The following SUPT5H variants were observed in gnomAD, a reference collection of about 807,000 sequenced individuals.
The protein encoded by SUPT5H is SPT5 homolog, DSIF elongation factor subunit, also known as transcription elongation factor SPT5.
Under a neutral mutation model 142.5 loss-of-function variants are expected in SUPT5H, and 24 were observed. The observed-to-expected ratio is 0.17, with a 90% confidence interval of 0.12 to 0.24. SUPT5H has a LOEUF of 0.24. Ranked by LOEUF, SUPT5H falls within the 10% of genes least tolerant of loss-of-function variation. SUPT5H has a pLI of 1.00. For synonymous variants in SUPT5H, 546 were observed against 553.0 expected, an observed-to-expected ratio of 0.99 and a Z score of 0.18; for missense variants, 893 against 1,471.8, an observed-to-expected ratio of 0.61 and a Z score of 6.43.
intron 4 of SUPT5H, 142 bp downstream of exon 4, chr19:39,457,882 A>G: frequency 2.1e-6 from 3 of 1,414,088 alleles, no homozygotes; most frequent in Non-Finnish European, 2.9e-6. Context: ...TCCTTCCCAG[A>G]GAGACCAGCT....
intron 10 of SUPT5H, among the ~76,000 whole-genome samples, chr19:39,464,281 G>A (rs757864700): frequency 5.9e-5 from 9 of 152,046 alleles, no homozygotes; most frequent in Non-Finnish European, 1.2e-4. Flanking sequence ...CACCGTGCCC[G>A]GCTCTAGTTG....
In SUPT5H at chr19:39,476,372, C is replaced by G; in HGVS notation, c.3237C>G (p.Arg1079=). The G allele has an allele frequency of 6.2e-7, 1 of 1,614,124 alleles. No homozygotes were observed. The highest frequency in any genetic ancestry group is 1.1e-5 in the South Asian group (1 of 91,076). ...LDEQLKILNL[R]FLGKLLEA is the part of the protein sequence containing the mutation. ...AGCAGCTCAAGATCCTCAACCTCCGCTTCCTGGGGAAGCTCCTGGAAGCCT... is the reference window on the plus strand; with the variant it reads ...AGCAGCTCAAGATCCTCAACCTCCGGTTCCTGGGGAAGCTCCTGGAAGCCT... The change falls in exon 30 of 30, where the codon CGC becomes CGG. Residue 1079 remains arginine (R), a synonymous_variant. Coordinates refer to ENST00000432763, the MANE Select transcript of SUPT5H (RefSeq NM_001111020.3).
Position 39,470,649 on chromosome 19 carries a change from C to A in SUPT5H, c.1677+126C>A. The A allele has an allele frequency of 1.8e-6, 2 of 1,104,324 alleles. No homozygotes were observed. Among genetic ancestry groups the A allele is most frequent in the Non-Finnish European group, 2.5e-6 (2 of 796,798 alleles). The allele number at this position is 1,104,324 out of a possible 1,614,324, so 68.4% of individuals were successfully genotyped here. Reference sequence around the variant, plus strand: ...GTTGCAGATCTGGCTCTGTCACTTACATCTGAATGGCTGATAGTGGGCACA... The same window carrying A: ...GTTGCAGATCTGGCTCTGTCACTTAAATCTGAATGGCTGATAGTGGGCACA... On this transcript the variant is annotated intron_variant, in intron 18 of 29. Coordinates refer to ENST00000432763, the MANE Select transcript of SUPT5H (RefSeq NM_001111020.3). This position sits in a 1 kb window ranked among gnomAD's most constrained non-coding sequence, Gnocchi z 5.8.
In SUPT5H at chr19:39,475,507, A is replaced by G. The variant is rs1206273100; in HGVS notation, c.3025-574A>G. Among the ~76,000 whole-genome samples, 4 of 152,072 alleles carry G rather than the reference A, an allele frequency of 2.6e-5. No individual in the cohort carries two copies. The East Asian group carries it at 7.8e-4, about 30-fold the overall frequency. The stretch of plus-strand genomic sequence containing the variant: ...GCGCCGGAGAGCCATGAAGGAATCT[A>G]AGCAGGAGAGGGGTGGGAGCAGATC... On this transcript the variant is annotated intron_variant, in intron 28 of 29. Transcript: ENST00000432763.
chr19:39,452,195 G>A (rs1258455463), intron 2 of SUPT5H, among the ~76,000 whole-genome samples: 2 of 152,218 alleles, frequency 1.3e-5, no homozygotes, highest in Non-Finnish European at 2.9e-5. Flanking sequence ...TTGGGACACA[G>A]TGAGTATGAA....
At chr19:39,445,694 T>A in intron 1 of SUPT5H, 57 bp downstream of exon 1, 2 of 639,248 alleles carry the variant, frequency 3.1e-6, no homozygotes, top group Non-Finnish European at 5.5e-6. Context: ...AGAGAACAGA[T>A]TCGGAAACTG....
intron 10 of SUPT5H, 130 bp downstream of exon 10, chr19:39,460,090 T>A: frequency 3.4e-6 from 3 of 874,736 alleles, no homozygotes; most frequent in Non-Finnish European, 5.6e-6. Flanking sequence ...CTGCTTGAGC[T>A]GGAATAAGAC....
intron 2 of SUPT5H, among the ~76,000 whole-genome samples, chr19:39,451,587 A>G (rs2079023188): frequency 6.6e-6 from 1 of 152,132 alleles, no homozygotes. Flanking sequence ...GCTGGAGTGC[A>G]GTGGTACAAT....
chr19:39,468,972 G>A, intron 14 of SUPT5H, 107 bp from the exon 15 acceptor site: 1 of 1,554,680 alleles, frequency 6.4e-7, no homozygotes, highest in Non-Finnish European at 8.9e-7. Context: ...AGTTAGGAGT[G>A]TTCCCTAGGA....
intron 28 of SUPT5H, 48 bp from the exon 29 acceptor site, chr19:39,476,033 C>T (rs2079400368): frequency 6.4e-7 from 1 of 1,559,914 alleles, no homozygotes; most frequent in Non-Finnish European, 8.8e-7. Context: ...GGGCCTCAGT[C>T]CCATGTTGGG....
intron 2 of SUPT5H, among the ~76,000 whole-genome samples, chr19:39,451,044 A>ATT (rs1417150267): frequency 2.6e-5 from 4 of 152,060 alleles, no homozygotes; most frequent in African/African-American, 9.7e-5. Flanking sequence ...GAAAATACAC[A>ATT]TTGAGTATTA....
intron 2 of SUPT5H, among the ~76,000 whole-genome samples, chr19:39,451,187 C>CTTTT (rs36028459): frequency 1.1e-4 from 12 of 111,702 alleles, no homozygotes; most frequent in South Asian, 2.9e-4. Context: ...TGAGCATGAC[C>CTTTT]TTTTTTTTTT....
At chr19:39,450,417 A>G (rs770173192) in intron 2 of SUPT5H, among the ~76,000 whole-genome samples, 16 of 152,180 alleles carry the variant, frequency 1.1e-4, no homozygotes, top group Non-Finnish European at 1.6e-4. Flanking sequence ...CTGGGATTAC[A>G]GGCGCATGCC....
chr19:39,447,443 C>T (rs972918007), intron 2 of SUPT5H, among the ~76,000 whole-genome samples: 2 of 142,858 alleles, frequency 1.4e-5, no homozygotes, highest in Non-Finnish European at 1.5e-5. Context: ...CTTTTATTTG[C>T]CATTATCTTT....
In SUPT5H at chr19:39,456,217, CT is replaced by C. The variant is rs562268907; in HGVS notation, c.242-1448del. 4.6e-4 allele frequency among the ~76,000 whole-genome samples: 68 copies of C among 146,792 alleles called. 1 individual carries two copies. In the South Asian group the frequency reaches 0.013, roughly 29 times the overall value. On this transcript the variant is annotated intron_variant, in intron 3 of 29. Transcript: ENST00000432763. ...TAAGCATGAGCCATTGTGCCCAGAC[CT>C]TTTTTTTTTCTTTTTTCTTTTTTTT...
At chr19:39,462,236 CTG>C (rs1360280434) in intron 10 of SUPT5H, among the ~76,000 whole-genome samples, 1 of 151,940 alleles carries the variant, frequency 6.6e-6, no homozygotes, top group Admixed American at 6.6e-5. Flanking sequence ...AAAGTGTAAA[CTG>C]TGGTGGATTT....
At position 39,459,727 on chromosome 19, in the gene SUPT5H, G is replaced by A. The variant is rs771485072; in HGVS notation, c.555+138G>A. ...CTTCTGTCTCCATCCCTCACTCCAC[G>A]TTACTGACTGGCTATCTCCCACCTC... On this transcript the variant is annotated intron_variant, in intron 9 of 29. Coordinates refer to ENST00000432763, the MANE Select transcript of SUPT5H (RefSeq NM_001111020.3). 2.7e-4 allele frequency: 352 copies of A among 1,306,954 alleles called. 7 individuals carry two copies. The Middle Eastern group carries it at 0.011, about 42-fold the overall frequency. 81.0% of individuals were successfully genotyped at this position (1,306,954 alleles called of 1,614,324 possible). A position where few individuals can be genotyped will look rare whatever the true frequency, so the allele number is the denominator to read the frequency against.
At chr19:39,462,571 C>T (rs1600711453) in intron 10 of SUPT5H, among the ~76,000 whole-genome samples, 1 of 152,070 alleles carries the variant, frequency 6.6e-6, no homozygotes, top group Non-Finnish European at 1.5e-5. Flanking sequence ...ACTCTTCTTG[C>T]CCAGGCTAGA....
In SUPT5H at chr19:39,472,991, T is replaced by C; in HGVS notation, c.2156-21T>C. On this transcript the variant is annotated intron_variant, in intron 22 of 29. Coordinates refer to ENST00000432763, the MANE Select transcript of SUPT5H (RefSeq NM_001111020.3). This position sits in a 1 kb window ranked among gnomAD's most constrained non-coding sequence, Gnocchi z 4.2. ...ATGGTGAAGGAGAGCCTGCCCAGCC[T>C]GACCTCCTGTCCCCCTGCAGGCTAC... 6.2e-7 allele frequency: 1 copy of C among 1,612,794 alleles called. No homozygotes were observed. Among genetic ancestry groups the C allele is most frequent in the Non-Finnish European group, 8.5e-7 (1 of 1,179,118 alleles).
Sources: gnomAD v4.1 joint callset for allele counts (sites outside exome capture counted in the v4.1 genomes callset) on GRCh38, gnomAD v4.1.1 for gene constraint, Gnocchi (gnomAD v3.1) non-coding constraint, MANE v1.5 for transcripts, NCBI Gene and HGNC (gene_info 2026-07-23, HGNC 2026-07-21) for gene names.